The following TUSC3 variants were observed in gnomAD, a reference collection of about 807,000 sequenced individuals.
TUSC3 encodes the protein dolichyl-diphosphooligosaccharide--protein glycosyltransferase subunit TUSC3.
In TUSC3, 45 loss-of-function variants were observed where a neutral mutation model predicts 44.8. The ratio of observed to expected loss-of-function variants is 1.00; its 90% CI spans 0.79 to 1.29. TUSC3 has a LOEUF of 1.29. TUSC3 is among the 50% of genes most tolerant of loss of function. The probability of loss-of-function intolerance (pLI) is 0.00; values close to 1 mark genes in which losing one functional copy is unlikely to be tolerated. For synonymous variants in TUSC3, 212 were observed against 152.9 expected (o/e 1.39, Z -2.85); for missense variants, 519 against 437.9 (o/e 1.19, Z -1.65).
intron 1 of TUSC3, among the ~76,000 whole-genome samples, chr8:15,584,946 A>G (rs568439140): frequency 3.3e-5 from 5 of 152,240 alleles, no homozygotes; most frequent in Non-Finnish European, 7.3e-5. Flanking sequence ...ACATAAAGAC[A>G]TTGAACGATG....
chr8:15,528,414 G>C (rs926913239), intron 2 of TUSC3, among the ~76,000 whole-genome samples: 4 of 152,166 alleles, frequency 2.6e-5, no homozygotes, highest in Non-Finnish European at 5.9e-5. Flanking sequence ...TAATTCAAAA[G>C]AGAATAATTG....
At chr8:15,638,515 C>CTTTTTTTTTTTTTTTTTTTTTT (rs547743726) in intron 2 of TUSC3, among the ~76,000 whole-genome samples, 2 of 81,108 alleles carry the variant, frequency 2.5e-5, no homozygotes, top group African/African-American at 5.1e-5. Flanking sequence ...TTCTTTTTTT[C>CTTTTTTTTTTTTTTTTTTTTTT]TTTTTTTTTT....
intron 2 of TUSC3, among the ~76,000 whole-genome samples, chr8:15,484,400 G>C (rs1020407710): frequency 6.6e-6 from 1 of 152,124 alleles, no homozygotes; most frequent in African/African-American, 2.4e-5. Flanking sequence ...TTCGATTTAT[G>C]GTTATTTTTA....
intron 6 of TUSC3, among the ~76,000 whole-genome samples, chr8:15,705,625 C>G (rs1364135112): frequency 6.6e-6 from 1 of 151,992 alleles, no homozygotes; most frequent in Non-Finnish European, 1.5e-5. Context: ...AGGCTGAATT[C>G]CAACATCCTT....
At chr8:15,825,051 A>G in the TUSC3 span, among the ~76,000 whole-genome samples, 1 of 152,196 alleles carries the variant, frequency 6.6e-6, no homozygotes, top group Non-Finnish European at 1.5e-5. Flanking sequence ...GTAGTAACTC[A>G]GCTTTGAACC....
At chr8:15,618,395 C>T (rs117325309) in intron 1 of TUSC3, among the ~76,000 whole-genome samples, 10 of 152,088 alleles carry the variant, frequency 6.6e-5, no homozygotes, top group Non-Finnish European at 1.3e-4. Context: ...TATCCTTATT[C>T]TGTAAGCTTT....
intron 1 of TUSC3, among the ~76,000 whole-genome samples, chr8:15,569,079 G>A (rs1185988752): frequency 6.6e-6 from 1 of 152,046 alleles, no homozygotes; most frequent in Non-Finnish European, 1.5e-5. Flanking sequence ...ATCAAATTTT[G>A]AAAATTATAA....
intron 1 of TUSC3, among the ~76,000 whole-genome samples, chr8:15,562,865 T>C (rs1214624886): frequency 1.3e-5 from 2 of 152,158 alleles, no homozygotes; most frequent in Non-Finnish European, 2.9e-5. Context: ...GTGAGGCTAA[T>C]CCAGGATAAT....
intron 1 of TUSC3, among the ~76,000 whole-genome samples, chr8:15,481,990 C>T (rs1800669132): frequency 6.6e-6 from 1 of 152,192 alleles, no homozygotes; most frequent in South Asian, 2.1e-4. Flanking sequence ...CGGAGTCAAT[C>T]TTCTCCAATC....
At chr8:15,805,177 A>C in the TUSC3 span, among the ~76,000 whole-genome samples, 1 of 152,128 alleles carries the variant, frequency 6.6e-6, no homozygotes, top group African/African-American at 2.4e-5. Context: ...TCGTACAAAG[A>C]TTTTGTATCT....
intron 1 of TUSC3, among the ~76,000 whole-genome samples, chr8:15,466,515 T>A (rs772525538): frequency 4.6e-5 from 7 of 152,300 alleles, no homozygotes; most frequent in Non-Finnish European, 1.0e-4. Flanking sequence ...ATTTTTAAAG[T>A]TAAATTTAAT....
chr8:15,490,804 C>G (rs149078883), intron 2 of TUSC3, among the ~76,000 whole-genome samples: 2,319 of 152,294 alleles, frequency 0.015, 36 homozygotes, highest in Middle Eastern at 0.037. Flanking sequence ...TTTCTCATAA[C>G]TTCACAAGCT....
At chr8:15,689,194 C>A in intron 6 of TUSC3, 1 of 368,182 alleles carries the variant, frequency 2.7e-6, no homozygotes, top group South Asian at 2.4e-5. Context: ...GCAGCAAGGG[C>A]TGCTAAGCAT....
rs568541615 is a variant in TUSC3 at position 15,455,801 on chromosome 8, G to A, written n.92-27585G>A. ...TACGGGAGATACTTACGTTTTAAAT[G>A]ATAAAAGCCCTTCCCCAAAACTCAG... On this transcript the variant is annotated intron_variant and non_coding_transcript_variant, in intron 1 of 5. Coordinates refer to the TUSC3 transcript ENST00000503191. Among the ~76,000 whole-genome samples, 8 of 152,278 alleles carry A rather than the reference G, an allele frequency of 5.3e-5. No homozygotes were observed. In the East Asian group the frequency reaches 1.5e-3, roughly 29 times the overall value.
chr8:15,770,032 A>G (rs1159530119), downstream of TUSC3, among the ~76,000 whole-genome samples: 1 of 152,200 alleles, frequency 6.6e-6, no homozygotes, highest in African/African-American at 2.4e-5. Context: ...AGAATCAGAA[A>G]TACCATTTGA....
Position 15,490,991 on chromosome 8 carries a change from A to G in TUSC3, n.189+7508A>G, listed in dbSNP as rs143298844. Among the ~76,000 whole-genome samples the G allele has an allele frequency of 2.2e-4, 33 of 152,350 alleles. No homozygotes were observed. In the South Asian group the frequency reaches 3.1e-3, roughly 14 times the overall value. On this transcript the variant is annotated intron_variant and non_coding_transcript_variant, in intron 2 of 5. Coordinates refer to the TUSC3 transcript ENST00000503191. Reference sequence around the variant, plus strand: ...TCTGGGGCCCCCCCAATCTTTAAAGAGAAAAGAGAGGACATACGGTTGCTT... The same window carrying G: ...TCTGGGGCCCCCCCAATCTTTAAAGGGAAAAGAGAGGACATACGGTTGCTT...
At chr8:15,532,111 C>T (rs531072649) in intron 2 of TUSC3, among the ~76,000 whole-genome samples, 1 of 152,030 alleles carries the variant, frequency 6.6e-6, no homozygotes, top group African/African-American at 2.4e-5. Flanking sequence ...CTTTTCCTTG[C>T]AGATAGGAGA....
At chr8:15,785,031 T>C in the TUSC3 span, among the ~76,000 whole-genome samples, 2 of 151,318 alleles carry the variant, frequency 1.3e-5, no homozygotes, top group African/African-American at 4.9e-5. Context: ...ATACACACAA[T>C]TATTTTTCAA....
At chr8:15,477,933 TTTC>T (rs1187589480) in intron 1 of TUSC3, among the ~76,000 whole-genome samples, 3 of 152,028 alleles carry the variant, frequency 2.0e-5, no homozygotes, top group Non-Finnish European at 4.4e-5. Context: ...CTATAGAAAT[TTTC>T]TTTTTTAAAA....
Sources: gnomAD v4.1 joint callset for allele counts (sites outside exome capture counted in the v4.1 genomes callset) on GRCh38, gnomAD v4.1.1 for gene constraint, MANE v1.5 for transcripts, NCBI Gene and HGNC (gene_info 2026-07-23, HGNC 2026-07-21) for gene names.